The following GALNT11 variants were observed in gnomAD, a reference collection of about 807,000 sequenced individuals.
GALNT11 encodes UDP-GalNAc:polypeptide N-acetylgalactosaminyltransferase 11.
In GALNT11, 47 loss-of-function variants were observed where a neutral mutation model predicts 72.7. That is an observed-to-expected ratio of 0.65 (90% CI 0.51 to 0.82). GALNT11 has a LOEUF of 0.82. Ranked by LOEUF, GALNT11 falls within the 40% of genes least tolerant of loss-of-function variation. The pLI is 0.00. For synonymous variants in GALNT11, 270 were observed against 286.6 expected, an observed-to-expected ratio of 0.94 and a Z score of 0.58; for missense variants, 677 against 778.4, an observed-to-expected ratio of 0.87 and a Z score of 1.55.
At chr7:152,060,984 T>C (rs1276843296) in intron 1 of GALNT11, among the ~76,000 whole-genome samples, 2 of 152,220 alleles carry the variant, frequency 1.3e-5, no homozygotes, top group Non-Finnish European at 2.9e-5. Context: ...TTTGGGTATA[T>C]ACCCAGTAAT....
At chr7:152,034,897 A>C (rs556069840) in intron 1 of GALNT11, among the ~76,000 whole-genome samples, 17 of 152,238 alleles carry the variant, frequency 1.1e-4, no homozygotes, top group South Asian at 2.1e-4. Context: ...GGACCGAGAA[A>C]AATTGGATTT....
chr7:152,105,067 T>C (rs28419049), intron 4 of GALNT11, among the ~76,000 whole-genome samples, 178 bp from the exon 5 acceptor site: 3,051 of 152,320 alleles, frequency 0.02, 108 homozygotes, highest in African/African-American at 0.07. Flanking sequence ...TTACCCTTCA[T>C]TTCTTTTTCT....
At chr7:152,029,110 C>G (rs2082183824) in intron 1 of GALNT11, among the ~76,000 whole-genome samples, 1 of 152,024 alleles carries the variant, frequency 6.6e-6, no homozygotes, top group Non-Finnish European at 1.5e-5. Flanking sequence ...CATACTATCC[C>G]TGACTGGTTA....
At chr7:152,105,471 C>A in intron 5 of GALNT11, 101 bp downstream of exon 5, 1 of 1,478,134 alleles carries the variant, frequency 6.8e-7, no homozygotes, top group South Asian at 1.4e-5. Context: ...AGTAGTGTTT[C>A]AAACGGACAT....
chr7:152,048,067 T>A (rs1415615373), intron 1 of GALNT11, among the ~76,000 whole-genome samples: 9 of 152,072 alleles, frequency 5.9e-5, no homozygotes, highest in Admixed American at 5.9e-4. Flanking sequence ...AAGAACTCTC[T>A]TTGGCATTTC....
chr7:152,047,579 C>G (rs186047595), intron 1 of GALNT11, among the ~76,000 whole-genome samples: 108 of 152,100 alleles, frequency 7.1e-4, no homozygotes, highest in African/African-American at 2.5e-3. Context: ...CACCTATAGT[C>G]CCAGCTACTT....
intron 1 of GALNT11, among the ~76,000 whole-genome samples, chr7:152,040,523 G>A (rs1428940684): frequency 1.3e-5 from 2 of 152,162 alleles, no homozygotes; most frequent in African/African-American, 4.8e-5. Flanking sequence ...TAGCAACAAG[G>A]CGATCAGCCA....
chr7:152,052,143 A>G (rs1026147388), intron 1 of GALNT11, among the ~76,000 whole-genome samples: 1 of 152,192 alleles, frequency 6.6e-6, no homozygotes, highest in Non-Finnish European at 1.5e-5. Flanking sequence ...TTTATTTCAC[A>G]TAATGTTTTC....
chr7:152,115,325 A>AT (rs1411265997), intron 8 of GALNT11, among the ~76,000 whole-genome samples: 2 of 152,228 alleles, frequency 1.3e-5, no homozygotes, highest in Non-Finnish European at 2.9e-5. Context: ...GCACCCAGTT[A>AT]TACTGTAGTC....
At chr7:152,115,749 CT>C (rs2088775664) in intron 8 of GALNT11, among the ~76,000 whole-genome samples, 1 of 152,242 alleles carries the variant, frequency 6.6e-6, no homozygotes, top group South Asian at 2.1e-4. Flanking sequence ...AGCTTGACAG[CT>C]TCCTAGTACT....
intron 7 of GALNT11, among the ~76,000 whole-genome samples, chr7:152,112,870 A>G (rs1282308012): frequency 1.3e-5 from 2 of 152,124 alleles, no homozygotes; most frequent in South Asian, 2.1e-4. Flanking sequence ...GAGAACAGGT[A>G]ATAAGCACTT....
chr7:152,076,747 A>C (rs533977135), intron 1 of GALNT11, among the ~76,000 whole-genome samples: 2 of 152,344 alleles, frequency 1.3e-5, no homozygotes, highest in East Asian at 3.9e-4. Flanking sequence ...AGTAATGCTC[A>C]AGGGGACCTG....
chr7:152,121,671 A>G lies in GALNT11; in HGVS notation c.1821A>G (p.Glu607=). ...CCTCTTCACAGCAGTGGCATTTGGA[A>G]GGTTAAGGTGGATGCTGTGGTGGGA... ...DGSSSQQWHL[E]G The change falls in exon 12 of 12, where the codon GAA becomes GAG. Residue 607 remains glutamate (E), a synonymous_variant. Transcript: ENST00000430044. The G allele has an allele frequency of 6.2e-7, 1 of 1,613,698 alleles. No individual in the cohort carries two copies. Among genetic ancestry groups the G allele is most frequent in the Non-Finnish European group, 8.5e-7 (1 of 1,179,830 alleles).
At chr7:152,111,151 T>C (rs13223229) in intron 7 of GALNT11, among the ~76,000 whole-genome samples, 2,758 of 152,020 alleles carry the variant, frequency 0.018, 29 homozygotes, top group Non-Finnish European at 0.028. Context: ...CATGTATTTA[T>C]TGGTATTTAT....
intron 1 of GALNT11, among the ~76,000 whole-genome samples, chr7:152,053,326 A>C (rs1191497157): frequency 6.6e-6 from 1 of 152,164 alleles, no homozygotes; most frequent in Non-Finnish European, 1.5e-5. Context: ...TACTACAGCC[A>C]ATCATTCTAC....
chr7:152,033,701 G>T (rs1267290756), intron 1 of GALNT11, among the ~76,000 whole-genome samples: 1 of 152,102 alleles, frequency 6.6e-6, no homozygotes, highest in Non-Finnish European at 1.5e-5. Flanking sequence ...ATTCTCCTTA[G>T]TCCTTCTAGA....
chr7:152,099,634 C>T (rs1045791917), intron 2 of GALNT11, among the ~76,000 whole-genome samples: 5 of 149,180 alleles, frequency 3.4e-5, no homozygotes, highest in African/African-American at 9.9e-5. Context: ...GCAATCTGCC[C>T]GCCTCCACTT....
chr7:152,063,012 A>G (rs989200563), intron 1 of GALNT11, among the ~76,000 whole-genome samples: 7 of 152,080 alleles, frequency 4.6e-5, no homozygotes, highest in Admixed American at 6.5e-5. Context: ...CTCTTTTTCT[A>G]TTGATAGGAA....
At chr7:152,102,794 CA>C (rs1407525657) in intron 3 of GALNT11, among the ~76,000 whole-genome samples, 1 of 151,904 alleles carries the variant, frequency 6.6e-6, no homozygotes, top group Non-Finnish European at 1.5e-5. Context: ...CCAGCTTGAC[CA>C]ACATGGAGAA....
Sources: gnomAD v4.1 joint callset for allele counts (sites outside exome capture counted in the v4.1 genomes callset) on GRCh38, gnomAD v4.1.1 for gene constraint, MANE v1.5 for transcripts, NCBI Gene and HGNC (gene_info 2026-07-23, HGNC 2026-07-21) for gene names.